Variants in INSC observed in about 807,000 individuals in gnomAD.
INSC encodes the protein INSC spindle orientation adaptor protein.
In INSC, 67 loss-of-function variants were observed where a neutral mutation model predicts 58.6. The observed-to-expected ratio is 1.14, with a 90% confidence interval of 0.94 to 1.40. INSC has a LOEUF of 1.40. INSC is among the 40% of genes most tolerant of loss of function. INSC has a pLI of 0.00. For synonymous variants in INSC, 262 were observed against 276.1 expected (o/e 0.95, Z 0.51); for missense variants, 714 against 692.0 (o/e 1.03, Z -0.36).
intron 9 of INSC, among the ~76,000 whole-genome samples, chr11:15,226,817 G>T (rs71469356): frequency 0.99 from 150,858 of 152,298 alleles, 74,733 homozygotes; most frequent in East Asian, 1. Flanking sequence ...ATCTAATGAG[G>T]TTATTCCTCT....
the INSC span, among the ~76,000 whole-genome samples, chr11:15,256,555 T>A: frequency 6.6e-6 from 1 of 151,370 alleles, no homozygotes; most frequent in South Asian, 2.1e-4. Flanking sequence ...AGTGGCAAGA[T>A]CTTGGCTCAC....
At chr11:15,185,926 T>C (rs1441615211) in intron 5 of INSC, among the ~76,000 whole-genome samples, 1 of 152,186 alleles carries the variant, frequency 6.6e-6, no homozygotes, top group Non-Finnish European at 1.5e-5. Context: ...CAAAATGTTT[T>C]TAGGGTGAAA....
intron 7 of INSC, among the ~76,000 whole-genome samples, chr11:15,202,378 C>A (rs544730786): frequency 6.6e-6 from 1 of 152,286 alleles, no homozygotes; most frequent in East Asian, 1.9e-4. Flanking sequence ...TCTTCTAAGG[C>A]TGAAACCAAT....
downstream of INSC, among the ~76,000 whole-genome samples, chr11:15,249,760 G>A (rs73428537): frequency 3.6e-3 from 546 of 152,280 alleles, 3 homozygotes; most frequent in African/African-American, 0.012. Flanking sequence ...TGGCTCTGCC[G>A]CATGGTTTTT....
chr11:15,204,670 G>A (rs1294721817), intron 7 of INSC, among the ~76,000 whole-genome samples: 1 of 152,210 alleles, frequency 6.6e-6, no homozygotes, highest in Non-Finnish European at 1.5e-5. Flanking sequence ...GGTGGAGTGG[G>A]GAAGTGTGGT....
At chr11:15,126,667 A>T (rs1341107985) in intron 1 of INSC, among the ~76,000 whole-genome samples, 2 of 152,188 alleles carry the variant, frequency 1.3e-5, no homozygotes, top group Non-Finnish European at 2.9e-5. Context: ...TGCTGGAGGA[A>T]TTTCTATGTT....
At chr11:15,119,206 C>T (rs1847807821) in intron 1 of INSC, among the ~76,000 whole-genome samples, 1 of 152,230 alleles carries the variant, frequency 6.6e-6, no homozygotes, top group Non-Finnish European at 1.5e-5. Context: ...TTTCCAGCCT[C>T]AGCTGGAGAC....
rs147665838 is a variant in INSC, at chr11:15,153,615, T to G, written c.56+4385T>G. Among the ~76,000 whole-genome samples, 180 of 152,370 alleles carry G rather than the reference T, an allele frequency of 1.2e-3. 5 individuals are homozygous for G. In the East Asian group the frequency reaches 0.03, roughly 26 times the overall value. On this transcript the variant is annotated intron_variant, in intron 2 of 12. Transcript: ENST00000379556. The stretch of plus-strand genomic sequence containing the variant: ...CTTGAATTCCATCCTTTCTCCCATT[T>G]CCAAAGAGAAATCCACAGAAACATA...
chr11:15,209,559 T>C (rs1242014310), intron 7 of INSC, among the ~76,000 whole-genome samples: 1 of 152,082 alleles, frequency 6.6e-6, no homozygotes, highest in Non-Finnish European at 1.5e-5. Context: ...TCTGGAAGCG[T>C]ATCCCACACT....
the INSC span, among the ~76,000 whole-genome samples, chr11:15,254,004 T>C: frequency 1.3e-5 from 2 of 152,228 alleles, no homozygotes; most frequent in East Asian, 3.9e-4. Context: ...GTGGCTCCAT[T>C]TGAAATTCGC....
At chr11:15,120,625 G>A (rs1201571760) in intron 1 of INSC, among the ~76,000 whole-genome samples, 2 of 152,200 alleles carry the variant, frequency 1.3e-5, no homozygotes, top group African/African-American at 4.8e-5. Flanking sequence ...GGTGTGGGTG[G>A]TCAGTAGTGT....
intron 2 of INSC, among the ~76,000 whole-genome samples, chr11:15,151,853 C>T (rs1281456949): frequency 6.6e-6 from 1 of 152,124 alleles, no homozygotes. Context: ...CCCTTCCTTC[C>T]CCACTTCCTT....
chr11:15,263,262 A>G, the INSC span, among the ~76,000 whole-genome samples: 2 of 152,130 alleles, frequency 1.3e-5, no homozygotes, highest in Non-Finnish European at 2.9e-5. Context: ...GGAGTTCCAG[A>G]AGAGGAGGAG....
intron 2 of INSC, among the ~76,000 whole-genome samples, chr11:15,167,950 C>T (rs1414328896): frequency 2.0e-5 from 3 of 152,114 alleles, no homozygotes; most frequent in Admixed American, 6.6e-5. Flanking sequence ...GATTCTTGCC[C>T]ACTCTCCTCT....
At chr11:15,114,085 C>G (rs938278700), upstream of INSC, among the ~76,000 whole-genome samples, 4 of 151,518 alleles carry the variant, frequency 2.6e-5, no homozygotes, top group African/African-American at 9.7e-5. Flanking sequence ...GGTCAAGATT[C>G]TCTGGGCTCT....
At chr11:15,166,351 A>T (rs1714367) in intron 2 of INSC, among the ~76,000 whole-genome samples, 85,467 of 152,004 alleles carry the variant, frequency 0.56, 24,871 homozygotes, top group East Asian at 0.93. Context: ...AAATGCCTTG[A>T]ATGAGAAGTT....
chr11:15,116,837 C>CT (rs1386489628), intron 1 of INSC, among the ~76,000 whole-genome samples: 1 of 42,460 alleles, frequency 2.4e-5, no homozygotes, highest in Admixed American at 2.4e-4. Flanking sequence ...TTCTTTCTTT[C>CT]TTTCTTTCTT....
chr11:15,130,421 T>G (rs978115826), intron 1 of INSC, among the ~76,000 whole-genome samples: 1 of 152,222 alleles, frequency 6.6e-6, no homozygotes, highest in Non-Finnish European at 1.5e-5. Context: ...ACCATGTATT[T>G]TTAGGCTAGA....
intron 7 of INSC, among the ~76,000 whole-genome samples, chr11:15,209,988 G>A (rs1850957130): frequency 6.6e-6 from 1 of 152,170 alleles, no homozygotes; most frequent in South Asian, 2.1e-4. Flanking sequence ...AATTTGCACC[G>A]GCTTTGCCCG....
Sources: allele counts gnomAD v4.1 joint callset (sites outside exome capture counted in the v4.1 genomes callset), GRCh38; gene constraint gnomAD v4.1.1; transcripts MANE v1.5; gene names NCBI Gene and HGNC (gene_info 2026-07-23, HGNC 2026-07-21).